The following SLC35D2 variants were observed in gnomAD, a reference collection of about 807,000 sequenced individuals.
SLC35D2 encodes nucleotide sugar transporter SLC35D2.
Under a neutral mutation model 41.8 loss-of-function variants are expected in SLC35D2, and 43 were observed. That is an observed-to-expected ratio of 1.03 (90% confidence interval 0.81 to 1.33). The LOEUF is 1.33. SLC35D2 is among the 40% of genes most tolerant of loss of function. SLC35D2 has a pLI of 0.00. For synonymous variants in SLC35D2, 150 were observed against 163.9 expected, an observed-to-expected ratio of 0.92 and a Z score of 0.65; for missense variants, 380 against 408.4, an observed-to-expected ratio of 0.93 and a Z score of 0.60.
intron 2 of SLC35D2, among the ~76,000 whole-genome samples, chr9:96,367,199 G>A (rs1255897706): frequency 5.2e-5 from 7 of 135,126 alleles, no homozygotes; most frequent in Admixed American, 4.8e-4. Context: ...CAGCCTGGGC[G>A]ACAGGCTGAG....
Position 96,350,347 on chromosome 9 carries a change from C to CTTTTTTTTT in SLC35D2, c.488+747_488+755dup, listed in dbSNP as rs57531044. ...CACGACGCCAGGCTAATTTTCTTTC[C>CTTTTTTTTT]TTTTTTTTTTTTTTTTTTTTTTTTT... is the stretch of plus-strand genomic sequence containing the variant. On this transcript the variant is annotated intron_variant, in intron 6 of 11. Coordinates refer to ENST00000253270, the MANE Select transcript of SLC35D2 (RefSeq NM_007001.3). 3.5e-3 allele frequency among the ~76,000 whole-genome samples: 314 copies of CTTTTTTTTT among 91,006 alleles called. 19 individuals carry two copies. Among genetic ancestry groups the CTTTTTTTTT allele is most frequent in the African/African-American group, 0.015 (296 of 20,058 alleles). The allele number at this position is 91,006 out of a possible 152,430, so 59.7% of individuals were successfully genotyped here. A position where few individuals can be genotyped will look rare whatever the true frequency, so the allele number is the denominator to read the frequency against.
At chr9:96,383,141 A>G (rs1032117794) in intron 1 of SLC35D2, among the ~76,000 whole-genome samples, 1 of 152,168 alleles carries the variant, frequency 6.6e-6, no homozygotes, top group Admixed American at 6.5e-5. Flanking sequence ...AGATCTGTGT[A>G]AGGAATTGCG....
chr9:96,353,781 T>G (rs1341721734), intron 4 of SLC35D2, among the ~76,000 whole-genome samples: 2 of 152,214 alleles, frequency 1.3e-5, no homozygotes, highest in Non-Finnish European at 2.9e-5. Context: ...ACCCAGAGAT[T>G]CCACGATGCA....
chr9:96,343,929 C>G lies in SLC35D2; in HGVS notation c.659G>C (p.Ser220Thr). Residue 220 changes from serine to threonine, a missense_variant, in exon 8 of 12, where the codon AGT becomes ACT. Physicochemically the swap from Ser to Thr is moderately conservative, Grantham distance 58 (BLOSUM62 1). Transcript: ENST00000253270. ...CTGTTGCAGGTCTCCAGTGGAGACA[C>G]TAATAATAAGAGTTGGGATAATCAT... ...CFMIIPTLII[S>T]VSTGDLQQAT... 1 of 1,590,002 alleles carries G rather than the reference C, an allele frequency of 6.3e-7. No individual in the cohort carries two copies. The highest frequency in any genetic ancestry group is 1.2e-5 in the South Asian group (1 of 86,906).
At chr9:96,365,058 A>AG in intron 2 of SLC35D2, among the ~76,000 whole-genome samples, 1 of 151,608 alleles carries the variant, frequency 6.6e-6, no homozygotes, top group Admixed American at 6.6e-5. Flanking sequence ...AAAAAAAAAA[A>AG]AAAAGGTAAT....
At chr9:96,372,147 G>C (rs1205102367) in intron 1 of SLC35D2, among the ~76,000 whole-genome samples, 1 of 152,192 alleles carries the variant, frequency 6.6e-6, no homozygotes, top group Non-Finnish European at 1.5e-5. Flanking sequence ...GACGTTCCCA[G>C]GGTAGCTATC....
intron 9 of SLC35D2, among the ~76,000 whole-genome samples, chr9:96,330,413 G>C (rs1207765506): frequency 3.3e-5 from 5 of 152,154 alleles, no homozygotes; most frequent in Non-Finnish European, 7.3e-5. Context: ...AATTCCCCCT[G>C]CTTGTCAATT....
At chr9:96,354,766 CAAAAAAAA>C (rs59013884) in intron 4 of SLC35D2, among the ~76,000 whole-genome samples, 1 of 46,712 alleles carries the variant, frequency 2.1e-5, no homozygotes, top group Non-Finnish European at 4.4e-5. Context: ...GACTCCATCT[CAAAAAAAA>C]AAAAAAAAAA....
chr9:96,368,440 C>T, intron 1 of SLC35D2, 135 bp from the exon 2 acceptor site: 8 of 601,606 alleles, frequency 1.3e-5, no homozygotes, highest in South Asian at 5.5e-5. Context: ...TCATTTAATT[C>T]TTTTTTTTTT....
chr9:96,342,331 C>T (rs569948342), intron 8 of SLC35D2, among the ~76,000 whole-genome samples: 13 of 152,134 alleles, frequency 8.5e-5, no homozygotes, highest in Admixed American at 3.3e-4. Context: ...GGTTTCATCA[C>T]GTTGGCCAGG....
At chr9:96,334,693 G>A (rs572267635) in intron 9 of SLC35D2, among the ~76,000 whole-genome samples, 1 of 152,182 alleles carries the variant, frequency 6.6e-6, no homozygotes, top group Admixed American at 6.5e-5. Context: ...ACCAAACACA[G>A]AAGAAAGCAA....
At chr9:96,356,814 G>A (rs1412249993) in intron 4 of SLC35D2, among the ~76,000 whole-genome samples, 1 of 152,166 alleles carries the variant, frequency 6.6e-6, no homozygotes, top group Non-Finnish European at 1.5e-5. Context: ...GGTCAAGGCT[G>A]CAGTGAGTGG....
At chr9:96,357,159 C>G (rs1217264391) in intron 4 of SLC35D2, among the ~76,000 whole-genome samples, 1 of 152,098 alleles carries the variant, frequency 6.6e-6, no homozygotes, top group Non-Finnish European at 1.5e-5. Flanking sequence ...GCCTGGGCAA[C>G]AAGACCGAAA....
intron 5 of SLC35D2, among the ~76,000 whole-genome samples, chr9:96,351,662 C>T (rs1012162239): frequency 2.6e-5 from 4 of 152,056 alleles, no homozygotes; most frequent in Non-Finnish European, 5.9e-5. Context: ...ATAATTACTG[C>T]GTCAGAATTG....
At chr9:96,328,858 G>A (rs1828672135) in intron 9 of SLC35D2, among the ~76,000 whole-genome samples, 1 of 151,966 alleles carries the variant, frequency 6.6e-6, no homozygotes, top group Non-Finnish European at 1.5e-5. Flanking sequence ...ACCATCTCTA[G>A]GAAGAACTCA....
chr9:96,337,694 ATTTT>A (rs1380709522), intron 8 of SLC35D2, among the ~76,000 whole-genome samples: 1 of 151,480 alleles, frequency 6.6e-6, no homozygotes, highest in Non-Finnish European at 1.5e-5. Flanking sequence ...TTAAGACTTC[ATTTT>A]TGGCCGGGCG....
intron 8 of SLC35D2, among the ~76,000 whole-genome samples, chr9:96,341,398 T>C (rs1248978457): frequency 6.6e-6 from 1 of 152,238 alleles, no homozygotes; most frequent in Non-Finnish European, 1.5e-5. Flanking sequence ...ACTTTTCATA[T>C]ACAAATGAAG....
At chr9:96,318,044 A>AAAG (rs1339239840), downstream of SLC35D2, among the ~76,000 whole-genome samples, 1 of 148,534 alleles carries the variant, frequency 6.7e-6, no homozygotes, top group Non-Finnish European at 1.5e-5. Context: ...TCAAAAAAAA[A>AAAG]AAAAGTCTGG....
chr9:96,317,011 G>A (rs1035861682), downstream of SLC35D2, among the ~76,000 whole-genome samples: 3 of 151,758 alleles, frequency 2.0e-5, no homozygotes, highest in African/African-American at 7.3e-5. Flanking sequence ...AGTGGCGGGC[G>A]CCTGTAGTCC....
Sources: gnomAD v4.1 joint callset for allele counts (sites outside exome capture counted in the v4.1 genomes callset) on GRCh38, gnomAD v4.1.1 for gene constraint, MANE v1.5 for transcripts, NCBI Gene and HGNC (gene_info 2026-07-23, HGNC 2026-07-21) for gene names.